Variants in ADARB2 observed in about 807,000 individuals in gnomAD.
The protein encoded by ADARB2 is adenosine deaminase RNA specific B2 (inactive).
A neutral mutation model predicts 62.2 loss-of-function variants in ADARB2; 25 were observed. The ratio of observed to expected loss-of-function variants is 0.40; its 90% CI spans 0.29 to 0.56. ADARB2 has a LOEUF of 0.56. Ranked by LOEUF, ADARB2 falls within the 20% of genes least tolerant of loss-of-function variation. The pLI is 0.43. For synonymous variants in ADARB2, 572 were observed against 500.8 expected, an observed-to-expected ratio of 1.14 and a Z score of -1.90; for missense variants, 1,071 against 1,077.4, an observed-to-expected ratio of 0.99 and a Z score of 0.08.
At position 1,242,292 on chromosome 10, in the gene ADARB2, A is replaced by C; in HGVS notation, c.1200T>G (p.Asp400Glu). The C allele has an allele frequency of 6.4e-7, 1 of 1,558,308 alleles. No homozygotes were observed. The highest frequency in any genetic ancestry group is 8.7e-7 in the Non-Finnish European group (1 of 1,153,256). The change falls in exon 5 of 10, where the codon GAT becomes GAG. Residue 400 changes from aspartate to glutamate, a missense_variant. Physicochemically the swap from Asp to Glu is conservative, Grantham distance 45. Transcript: ENST00000381312. Reference protein sequence around the residue: ...LAGIVMTKGLDARQAQVVALS... With the variant: ...LAGIVMTKGLEARQAQVVALS... The stretch of plus-strand genomic sequence containing the variant: ...GGGCCACGACCTGCGCCTGCCGAGC[A>C]TCCAGGCCTGGGGACACAGATAGCA...
At chr10:1,209,413 C>G (rs1279630926) in intron 7 of ADARB2, among the ~76,000 whole-genome samples, 9 of 142,190 alleles carry the variant, frequency 6.3e-5, no homozygotes, top group Non-Finnish European at 4.6e-5. Context: ...TCACCTACAG[C>G]AACACCGTCA....
chr10:1,505,619 A>G (rs1831835822), intron 1 of ADARB2, among the ~76,000 whole-genome samples: 1 of 152,000 alleles, frequency 6.6e-6, no homozygotes, highest in African/African-American at 2.4e-5. Context: ...CCGCCTCCCC[A>G]CACCTGTGGT....
intron 1 of ADARB2, among the ~76,000 whole-genome samples, chr10:1,559,669 C>T (rs1019379582): frequency 6.6e-6 from 1 of 152,204 alleles, no homozygotes; most frequent in Admixed American, 6.5e-5. Flanking sequence ...GAGAATCACA[C>T]CAGAAAACAA....
intron 2 of ADARB2, among the ~76,000 whole-genome samples, chr10:1,368,476 C>T (rs1362854610): frequency 6.6e-6 from 1 of 152,110 alleles, no homozygotes; most frequent in African/African-American, 2.4e-5. Context: ...TGAGCTTCTC[C>T]GTGCACTTTG....
intron 1 of ADARB2, among the ~76,000 whole-genome samples, chr10:1,458,568 C>T (rs1032193107): frequency 2.6e-5 from 4 of 152,196 alleles, no homozygotes; most frequent in Non-Finnish European, 5.9e-5. Flanking sequence ...AGGGAGGCCC[C>T]GCAGACCCCT....
At chr10:1,516,518 T>G (rs1198951627) in intron 1 of ADARB2, among the ~76,000 whole-genome samples, 2 of 151,426 alleles carry the variant, frequency 1.3e-5, no homozygotes, top group Admixed American at 6.6e-5. Flanking sequence ...TGCGGGCTGC[T>G]CTGTGCTGTG....
intron 1 of ADARB2, among the ~76,000 whole-genome samples, chr10:1,407,641 A>G (rs1465946769): frequency 3.9e-5 from 6 of 152,162 alleles, no homozygotes; most frequent in African/African-American, 1.2e-4. Context: ...CTAGCCCAGC[A>G]CTGGCAGAGA....
intron 2 of ADARB2, among the ~76,000 whole-genome samples, chr10:1,365,351 C>A (rs1483359252): frequency 1.3e-5 from 2 of 152,094 alleles, no homozygotes; most frequent in African/African-American, 4.8e-5. Context: ...CACGGACCGG[C>A]CGTTCCCTCA....
At chr10:1,511,959 C>CA (rs1281566858) in intron 1 of ADARB2, among the ~76,000 whole-genome samples, 2 of 150,958 alleles carry the variant, frequency 1.3e-5, no homozygotes, top group Non-Finnish European at 1.5e-5. Context: ...GATACCAAGA[C>CA]TTTGATGCTG....
intron 1 of ADARB2, among the ~76,000 whole-genome samples, chr10:1,708,454 G>T (rs1448601890): frequency 6.6e-6 from 1 of 152,346 alleles, no homozygotes; most frequent in African/African-American, 2.4e-5. Context: ...GGAAAGGGAA[G>T]TATGAATATG....
chr10:1,623,086 G>A (rs1034147624), intron 1 of ADARB2, among the ~76,000 whole-genome samples: 3 of 152,190 alleles, frequency 2.0e-5, no homozygotes, highest in African/African-American at 7.2e-5. Context: ...GTGACGTATG[G>A]CATGATTCTA....
At chr10:1,709,662 G>A (rs1004828103) in intron 1 of ADARB2, among the ~76,000 whole-genome samples, 1 of 152,202 alleles carries the variant, frequency 6.6e-6, no homozygotes, top group Non-Finnish European at 1.5e-5. Flanking sequence ...CATTCTGAAA[G>A]TATCTTCAAA....
intron 1 of ADARB2, among the ~76,000 whole-genome samples, chr10:1,412,441 G>A (rs984542660): frequency 6.6e-6 from 1 of 151,786 alleles, no homozygotes; most frequent in African/African-American, 2.4e-5. Context: ...AGCTATGTGA[G>A]GTTGTGACTT....
chr10:1,606,779 T>C (rs1833499518), intron 1 of ADARB2, among the ~76,000 whole-genome samples: 1 of 152,140 alleles, frequency 6.6e-6, no homozygotes, highest in South Asian at 2.1e-4. Flanking sequence ...ACCTGCTTCC[T>C]GCACGGGGAA....
At chr10:1,546,115 G>C (rs1426367511) in intron 1 of ADARB2, among the ~76,000 whole-genome samples, 1 of 151,932 alleles carries the variant, frequency 6.6e-6, no homozygotes, top group African/African-American at 2.4e-5. Flanking sequence ...GTGACCACCT[G>C]CTGCCTGTTG....
intron 1 of ADARB2, among the ~76,000 whole-genome samples, chr10:1,510,112 CTT>C (rs765805792): frequency 0.058 from 4,211 of 72,646 alleles, 90 homozygotes; most frequent in Non-Finnish European, 0.069. Context: ...TTCTTTCTCT[CTT>C]TCTTTCTTTC....
chr10:1,225,761 A>T (rs1012490965), intron 6 of ADARB2, among the ~76,000 whole-genome samples: 2 of 150,948 alleles, frequency 1.3e-5, no homozygotes, highest in Non-Finnish European at 3.0e-5. Flanking sequence ...TGGCTTGTAG[A>T]GTTTCTGCCG....
At chr10:1,652,618 T>C (rs144042459) in intron 1 of ADARB2, among the ~76,000 whole-genome samples, 2 of 152,356 alleles carry the variant, frequency 1.3e-5, no homozygotes, top group Non-Finnish European at 2.9e-5. Flanking sequence ...TATTCATTAA[T>C]TTCCTTTTGC....
At chr10:1,450,021 G>A (rs375121962) in intron 1 of ADARB2, among the ~76,000 whole-genome samples, 5 of 152,314 alleles carry the variant, frequency 3.3e-5, no homozygotes, top group East Asian at 3.9e-4. Context: ...CCAGCATGAC[G>A]CTTGAATGGA....
Sources: gnomAD v4.1 joint callset for allele counts (sites outside exome capture counted in the v4.1 genomes callset) on GRCh38, gnomAD v4.1.1 for gene constraint, MANE v1.5 for transcripts, NCBI Gene and HGNC (gene_info 2026-07-23, HGNC 2026-07-21) for gene names.